The following OXNAD1 variants were observed in gnomAD, a reference collection of about 807,000 sequenced individuals.
The protein encoded by OXNAD1 is oxidoreductase NAD-binding domain-containing protein 1.
A neutral mutation model predicts 32.9 loss-of-function variants in OXNAD1; 34 were observed. The ratio of observed to expected loss-of-function variants is 1.03; its 90% CI spans 0.79 to 1.38. The LOEUF is 1.38. OXNAD1 is among the 40% of genes most tolerant of loss of function. OXNAD1 has a pLI of 0.00. For synonymous variants in OXNAD1, 134 were observed against 135.2 expected (o/e 0.99, Z 0.06); for missense variants, 407 against 379.4 (o/e 1.07, Z -0.60).
chr3:16,304,443 A>C lies in OXNAD1; in HGVS notation c.*881A>C, dbSNP rs1047363205. On this transcript the variant is annotated 3_prime_UTR_variant, in exon 9 of 9. Transcript: ENST00000285083. This position sits in a 1 kb window ranked among gnomAD's most constrained non-coding sequence, Gnocchi z 4.6. ...TTCTTGGCACCAGCAGCTCCTTAAC[A>C]TATAGTTGTTGAATGACTGAAAGAA... 6.6e-6 allele frequency: 1 copy of C among 152,214 alleles called. No homozygotes were observed. Among genetic ancestry groups the C allele is most frequent in the African/African-American group, 2.4e-5 (1 of 41,444 alleles). The allele number at this position is 152,214 out of a possible 1,614,324, so 9.4% of individuals were successfully genotyped here. A position where few individuals can be genotyped will look rare whatever the true frequency, so the allele number is the denominator to read the frequency against.
Position 16,321,195 on chromosome 3 carries a change from C to T in OXNAD1, c.*31-15917C>T, listed in dbSNP as rs1047326117. 6.6e-6 allele frequency among the ~76,000 whole-genome samples: 1 copy of T among 152,108 alleles called. No homozygotes were observed. The highest frequency in any genetic ancestry group is 2.1e-4 in the South Asian group (1 of 4,814). ...GGAGGGGGACAGTCATAGGTTTCCT[C>T]GAGCCACAGGATGGATGGAGCTGGA... On this transcript the variant is annotated intron_variant, in intron 9 of 9. Coordinates refer to the OXNAD1 transcript ENST00000435829. The surrounding 1 kb of genome is among the most constrained non-coding windows in gnomAD (Gnocchi z 4.8).
chr3:16,317,972 G>A lies in OXNAD1; in HGVS notation c.*30+14380G>A, dbSNP rs529673553. On this transcript the variant is annotated intron_variant, in intron 9 of 9. Transcript: ENST00000435829. This position sits in a 1 kb window ranked among gnomAD's most constrained non-coding sequence, Gnocchi z 4.3. ...TTCTCCCTCTGCCCGCTACTGTACCGACAAGTGTTCTAAGGTAACTCCCTC... is the reference window on the plus strand; with the variant it reads ...TTCTCCCTCTGCCCGCTACTGTACCAACAAGTGTTCTAAGGTAACTCCCTC... Among the ~76,000 whole-genome samples the A allele has an allele frequency of 1.3e-5, 2 of 152,244 alleles. No homozygotes were observed. Among genetic ancestry groups the A allele is most frequent in the African/African-American group, 4.8e-5 (2 of 41,532 alleles).
chr3:16,285,917 A>C (rs898235500), intron 4 of OXNAD1, among the ~76,000 whole-genome samples: 30 of 152,186 alleles, frequency 2.0e-4, no homozygotes, highest in Non-Finnish European at 1.2e-4. Flanking sequence ...ACACCCCCAG[A>C]AGCAAGAGTG....
intron 4 of OXNAD1, among the ~76,000 whole-genome samples, chr3:16,283,867 CAAATTCAGA>C (rs111623843): frequency 0.031 from 4,769 of 152,170 alleles, 105 homozygotes; most frequent in Middle Eastern, 0.082. Context: ...TGGAAAATAC[CAAATTCAGA>C]GAGGTCAGGG....
In OXNAD1 at chr3:16,321,271, C is replaced by T. The variant is rs2069023190; in HGVS notation, c.*31-15841C>T. 6.6e-6 allele frequency among the ~76,000 whole-genome samples: 1 copy of T among 152,040 alleles called. No homozygotes were observed. The highest frequency in any genetic ancestry group is 2.4e-5 in the African/African-American group (1 of 41,382). ...AATGCAGGCGGAATGGTCATTGGCA[C>T]AGAGGTGGTGAAGGAGATTTTCTAA... On this transcript the variant is annotated intron_variant, in intron 9 of 9. Coordinates refer to the OXNAD1 transcript ENST00000435829. The surrounding 1 kb of genome is among the most constrained non-coding windows in gnomAD (Gnocchi z 4.8).
In OXNAD1 at chr3:16,288,491, G is replaced by T. The variant is rs1442833582; in HGVS notation, c.290+2043G>T. 1.3e-5 allele frequency among the ~76,000 whole-genome samples: 2 copies of T among 152,184 alleles called. No individual in the cohort carries two copies. Among genetic ancestry groups the T allele is most frequent in the African/African-American group, 4.8e-5 (2 of 41,448 alleles). On this transcript the variant is annotated intron_variant, in intron 5 of 8. Transcript: ENST00000285083. This position sits in a 1 kb window ranked among gnomAD's most constrained non-coding sequence, Gnocchi z 5.1. ...AACTAAATAAATGAATGTTGTCTGTGACTAGCTGGAGCTTTGGCCACAGAT... is the reference window on the plus strand; with the variant it reads ...AACTAAATAAATGAATGTTGTCTGTTACTAGCTGGAGCTTTGGCCACAGAT...
At chr3:16,338,760 T>C (rs1383424317), downstream of OXNAD1, among the ~76,000 whole-genome samples, 1 of 152,182 alleles carries the variant, frequency 6.6e-6, no homozygotes, top group Non-Finnish European at 1.5e-5. This position sits in a 1 kb window ranked among gnomAD's most constrained non-coding sequence, Gnocchi z 5.3. Flanking sequence ...TTTTTCACCT[T>C]ATGTATTACC....
intron 4 of OXNAD1, among the ~76,000 whole-genome samples, chr3:16,279,368 T>C (rs1336290693): frequency 6.6e-6 from 1 of 152,082 alleles, no homozygotes; most frequent in East Asian, 1.9e-4. Context: ...AAAGGGAGGC[T>C]CCTTGGGGAA....
chr3:16,306,528 C>T (rs1388388270), downstream of OXNAD1, among the ~76,000 whole-genome samples: 2 of 140,954 alleles, frequency 1.4e-5, no homozygotes, highest in Non-Finnish European at 3.0e-5. Context: ...CCGAATATTG[C>T]ATTAGGTTAA....
intron 4 of OXNAD1, among the ~76,000 whole-genome samples, chr3:16,273,846 AC>A (rs2065136323): frequency 6.6e-6 from 1 of 152,218 alleles, no homozygotes; most frequent in African/African-American, 2.4e-5. Context: ...AAAGTCTTTT[AC>A]ATTTTTCAAA....
rs2066915176 is a variant in OXNAD1 at position 16,297,954 on chromosome 3, A to C, written c.432+2957A>C. ...AAAATTCATAGAACCGTATACCAAAAGAAAAAGATTTCTATTAAGGAAATT... is the reference window on the plus strand; with the variant it reads ...AAAATTCATAGAACCGTATACCAAACGAAAAAGATTTCTATTAAGGAAATT... On this transcript the variant is annotated intron_variant, in intron 6 of 8. Transcript: ENST00000285083. The surrounding 1 kb of genome is among the most constrained non-coding windows in gnomAD (Gnocchi z 4.3). Among the ~76,000 whole-genome samples, 1 of 152,212 alleles carries C rather than the reference A, an allele frequency of 6.6e-6. No homozygotes were observed. Among genetic ancestry groups the C allele is most frequent in the Admixed American group, 6.5e-5 (1 of 15,286 alleles).
rs1034774762 is a variant in OXNAD1, at chr3:16,289,062, A to G, written c.290+2614A>G. 9.2e-5 allele frequency among the ~76,000 whole-genome samples: 14 copies of G among 152,330 alleles called. No individual in the cohort carries two copies. The South Asian group carries it at 1.0e-3, about 11-fold the overall frequency. ...TATTTGTCTGGGCTTCAGTTCTCAT[A>G]TCTTCAAAGAGGGAGCAGTAGTATT... is the stretch of plus-strand genomic sequence containing the variant. On this transcript the variant is annotated intron_variant, in intron 5 of 8. Transcript: ENST00000285083. This position sits in a 1 kb window ranked among gnomAD's most constrained non-coding sequence, Gnocchi z 4.9.
rs2125298925 is a variant in OXNAD1, at chr3:16,344,603, G to A, written c.*31-4573G>A. On this transcript the variant is annotated intron_variant, in intron 9 of 9. Coordinates refer to the OXNAD1 transcript ENST00000606098. This position sits in a 1 kb window ranked among gnomAD's most constrained non-coding sequence, Gnocchi z 4.4. ...GTATTCTGTGGCCTCCCAGAATCAG[G>A]TCTCTTCAGGTCCACCACCTTCTAG... Among the ~76,000 whole-genome samples the A allele has an allele frequency of 6.6e-6, 1 of 152,146 alleles. No homozygotes were observed. Among genetic ancestry groups the A allele is most frequent in the South Asian group, 2.1e-4 (1 of 4,814 alleles).
At chr3:16,343,884 G>A (rs956383437) in intron 9 of OXNAD1, among the ~76,000 whole-genome samples, 1 of 152,220 alleles carries the variant, frequency 6.6e-6, no homozygotes, top group African/African-American at 2.4e-5. Flanking sequence ...AGCAAAGCCA[G>A]CTGATAGTCT....
chr3:16,269,081 A>T (rs1250411649), intron 1 of OXNAD1, 45 bp from the exon 2 acceptor site: 1 of 1,398,054 alleles, frequency 7.2e-7, no homozygotes, highest in Non-Finnish European at 9.2e-7. Flanking sequence ...AGTGCTTTTG[A>T]TCAGTTCCCC....
intron 4 of OXNAD1, among the ~76,000 whole-genome samples, chr3:16,272,555 C>CATATT (rs2065024052): frequency 6.6e-6 from 1 of 151,540 alleles, no homozygotes; most frequent in Non-Finnish European, 1.5e-5. Context: ...AATGTAAAGG[C>CATATT]ATATTGTTTA....
chr3:16,268,201 G>A (rs1444567109), intron 1 of OXNAD1, among the ~76,000 whole-genome samples: 1 of 151,136 alleles, frequency 6.6e-6, no homozygotes, highest in Non-Finnish European at 1.5e-5. Context: ...ATAAAGCTTT[G>A]GAAAGCACTT....
rs905576251 is a variant in OXNAD1 at position 16,287,872 on chromosome 3, A to G, written c.290+1424A>G. On this transcript the variant is annotated intron_variant, in intron 5 of 8. Transcript: ENST00000285083. The surrounding 1 kb of genome is among the most constrained non-coding windows in gnomAD (Gnocchi z 4.8). ...GATTGGTGTCATGTATACCATCCCA[A>G]TGAATGGATTTGGCCATTTCACTGA... Among the ~76,000 whole-genome samples, 11 of 152,210 alleles carry G rather than the reference A, an allele frequency of 7.2e-5. No homozygotes were observed. The highest frequency in any genetic ancestry group is 3.9e-4 in the Admixed American group (6 of 15,288).
At chr3:16,351,252 G>A (rs531471718), downstream of OXNAD1, among the ~76,000 whole-genome samples, 22 of 152,272 alleles carry the variant, frequency 1.4e-4, no homozygotes, top group South Asian at 8.3e-4. This position sits in a 1 kb window ranked among gnomAD's most constrained non-coding sequence, Gnocchi z 5.4. Flanking sequence ...CCTGCAGCGC[G>A]CCAAGGACTG....
Sources: gnomAD v4.1 joint callset for allele counts (sites outside exome capture counted in the v4.1 genomes callset) on GRCh38, gnomAD v4.1.1 for gene constraint, Gnocchi (gnomAD v3.1) non-coding constraint, MANE v1.5 for transcripts, NCBI Gene and HGNC (gene_info 2026-07-23, HGNC 2026-07-21) for gene names.